Variants in PCDHA5 observed in about 807,000 individuals in gnomAD.
PCDHA5 encodes protocadherin alpha-5.
PCDHA5 carries 43 observed loss-of-function variants against 61.6 expected under a neutral mutation model. That is an observed-to-expected ratio of 0.70 (90% CI 0.55 to 0.90). The LOEUF (loss-of-function observed/expected upper bound fraction) is 0.90. Ranked by LOEUF, PCDHA5 falls within the 40% of genes least tolerant of loss-of-function variation. The pLI is 0.00. For synonymous variants in PCDHA5, 627 were observed against 543.9 expected, an observed-to-expected ratio of 1.15 and a Z score of -2.13; for missense variants, 1,298 against 1,222.7, an observed-to-expected ratio of 1.06 and a Z score of -0.92.
At chr5:140,845,868 G>C (rs1252869410) in intron 1 of PCDHA5, among the ~76,000 whole-genome samples, 1 of 149,474 alleles carries the variant, frequency 6.7e-6, no homozygotes, top group South Asian at 2.1e-4. Flanking sequence ...TTGCAGAAAG[G>C]CAACCTAAAA....
At chr5:140,982,824 G>GGTTT (rs74513655) in intron 3 of PCDHA5, among the ~76,000 whole-genome samples, 1 of 151,942 alleles carries the variant, frequency 6.6e-6, no homozygotes, top group African/African-American at 2.4e-5. Context: ...AAGTTTTTGG[G>GGTTT]GTTTGTTTGT....
In PCDHA5 at chr5:140,982,557, A is replaced by G. The variant is rs199851685; in HGVS notation, c.2494A>G (p.Thr832Ala). 6.2e-7 allele frequency: 1 copy of G among 1,614,138 alleles called. No homozygotes were observed. The highest frequency in any genetic ancestry group is 1.7e-5 in the Admixed American group (1 of 60,030). The change falls in exon 3 of 4, where the codon ACA becomes GCA. Residue 832 changes from threonine (T) to alanine (A), a missense_variant. Physicochemically the swap from Thr to Ala is moderately conservative, Grantham distance 58. Transcript: ENST00000529859. ...GCAGTGGCCAACAGTATCCAGTGCAACACCAGGTAAAGAGCTGGGGTCTCT... is the reference window on the plus strand; with the variant it reads ...GCAGTGGCCAACAGTATCCAGTGCAGCACCAGGTAAAGAGCTGGGGTCTCT... Reference protein sequence around the residue: ...DQQWPTVSSATPEPEAGEVSP... With the variant: ...DQQWPTVSSAAPEPEAGEVSP...
Position 140,823,804 on chromosome 5 carries a change from G to C in PCDHA5, c.2029G>C (p.Ala677Pro), listed in dbSNP as rs782334570. ...SLVESGQAPK[A>P]SSRASAGAVG... ...GGTGGAAAGTGGCCAGGCGCCGAAG[G>C]CCTCATCGCGGGCGTCGGCGGGCGC... The change falls in exon 1 of 4, where the codon GCC becomes CCC. Residue 677 changes from alanine to proline, a missense_variant. Physicochemically the swap from Ala to Pro is conservative, Grantham distance 27 (BLOSUM62 -1). Coordinates refer to ENST00000529859, the MANE Select transcript of PCDHA5 (RefSeq NM_018908.3). 2 of 1,613,694 alleles carry C rather than the reference G, an allele frequency of 1.2e-6. No individual in the cohort carries two copies. Among genetic ancestry groups the C allele is most frequent in the Non-Finnish European group, 1.7e-6 (2 of 1,179,926 alleles).
intron 1 of PCDHA5, chr5:140,883,793 T>C (rs782783912): frequency 6.2e-7 from 1 of 1,612,328 alleles, no homozygotes; most frequent in South Asian, 1.1e-5. Flanking sequence ...GAGCTACGTG[T>C]CGGTGCACGC....
intron 1 of PCDHA5, among the ~76,000 whole-genome samples, chr5:140,892,776 T>C (rs2063665865): frequency 6.6e-6 from 1 of 152,224 alleles, no homozygotes; most frequent in East Asian, 1.9e-4. Flanking sequence ...TTCTAGCTTC[T>C]TGAAAATATG....
intron 1 of PCDHA5, chr5:140,863,533 G>A: frequency 2.6e-6 from 1 of 389,860 alleles, no homozygotes; most frequent in Non-Finnish European, 5.0e-6. Flanking sequence ...TTCAGATTTT[G>A]GAGATGGACT....
intron 1 of PCDHA5, among the ~76,000 whole-genome samples, chr5:140,854,845 T>C (rs1554147464): frequency 6.7e-6 from 1 of 149,904 alleles, no homozygotes; most frequent in Non-Finnish European, 1.5e-5. Flanking sequence ...CTGACATTGA[T>C]AAAATTACTA....
rs2150133814 is a variant in PCDHA5 at position 140,824,269 on chromosome 5, A to G, written c.2352+142A>G. 4 of 1,222,710 alleles carry G rather than the reference A, an allele frequency of 3.3e-6. No homozygotes were observed. The South Asian group carries it at 5.6e-5, about 17-fold the overall frequency. The allele number at this position is 1,222,710 out of a possible 1,614,324, so 75.7% of individuals were successfully genotyped here. On this transcript the variant is annotated intron_variant, in intron 1 of 3. Coordinates refer to ENST00000529859, the MANE Select transcript of PCDHA5 (RefSeq NM_018908.3). ...ACACAATTATTGCACTAATTCATGT[A>G]TTATATGCTTTTTATGAGGCTTTTC...
At chr5:140,869,037 C>G (rs547872988) in intron 1 of PCDHA5, 1 of 1,528,286 alleles carries the variant, frequency 6.5e-7, no homozygotes, top group African/African-American at 1.4e-5. Context: ...AGATTTTTAA[C>G]CTGAAACTGA....
intron 1 of PCDHA5, chr5:140,848,665 C>A (rs1428126460): frequency 4.4e-6 from 7 of 1,592,108 alleles, no homozygotes; most frequent in Non-Finnish European, 5.2e-6. Flanking sequence ...CTGGAGCTGG[C>A]GGAGCTGGTG....
Position 140,822,585 on chromosome 5 carries a change from G to A in PCDHA5, c.810G>A (p.Glu270=), listed in dbSNP as rs2150117508. 1.4e-5 allele frequency: 22 copies of A among 1,612,046 alleles called. No individual in the cohort carries two copies. The East Asian group carries it at 3.8e-4, about 28-fold the overall frequency. ...AACTGAACGCCTCAGATGCAGATGA[G>A]GGCATCAATAAGGAAATAGTGTATT... ...VIKLNASDAD[E]GINKEIVYFF... The change falls in exon 1 of 4, where the codon GAG becomes GAA. Residue 270 remains glutamate, a synonymous_variant. Coordinates refer to ENST00000529859, the MANE Select transcript of PCDHA5 (RefSeq NM_018908.3).
intron 3 of PCDHA5, among the ~76,000 whole-genome samples, chr5:140,989,535 GTT>G (rs2097346543): frequency 6.6e-6 from 1 of 152,178 alleles, no homozygotes; most frequent in Non-Finnish European, 1.5e-5. Context: ...GAGGAAGATA[GTT>G]TGTAATTCCT....
rs2150132209 is a variant in PCDHA5 at position 140,824,106 on chromosome 5, G to C, written c.2331G>C (p.Gln777His). ...DLMAFSPSLP[Q>H]GPTSTDNPRQ... The stretch of plus-strand genomic sequence containing the variant: ...TGGCCTTCAGTCCAAGCCTTCCTCA[G>C]GGTCCCACCTCTACAGACAACGTGA... Residue 777 changes from glutamine (Q) to histidine (H), a missense_variant, in exon 1 of 4, where the codon CAG (glutamine) becomes CAC (histidine). Physicochemically the swap from Gln to His is conservative, Grantham distance 24. Coordinates refer to ENST00000529859, the MANE Select transcript of PCDHA5 (RefSeq NM_018908.3). 6 of 1,614,086 alleles carry C rather than the reference G, an allele frequency of 3.7e-6. No homozygotes were observed. Among genetic ancestry groups the C allele is most frequent in the South Asian group, 1.1e-5 (1 of 91,084 alleles).
chr5:140,993,071 G>A (rs1301535845), intron 3 of PCDHA5, among the ~76,000 whole-genome samples: 9 of 152,222 alleles, frequency 5.9e-5, no homozygotes, highest in African/African-American at 2.2e-4. Flanking sequence ...TGTTCCTGCA[G>A]TCTGCAATCA....
chr5:140,966,848 C>G, intron 1 of PCDHA5: 1 of 1,571,846 alleles, frequency 6.4e-7, no homozygotes, highest in Non-Finnish European at 8.6e-7. Context: ...GCTACTGCCT[C>G]TCCTGCTGCT....
intron 1 of PCDHA5, among the ~76,000 whole-genome samples, chr5:140,898,789 C>T (rs1424905656): frequency 6.6e-6 from 1 of 152,162 alleles, no homozygotes; most frequent in Non-Finnish European, 1.5e-5. Context: ...GCAGTATGGC[C>T]ATTTTCACGA....
At chr5:140,919,716 A>G (rs1166757941) in intron 1 of PCDHA5, among the ~76,000 whole-genome samples, 1 of 152,214 alleles carries the variant, frequency 6.6e-6, no homozygotes, top group East Asian at 1.9e-4. Flanking sequence ...CTAGTGAGAT[A>G]TAAATATGTT....
chr5:141,000,412 TATATATATA>T (rs1297219533), intron 3 of PCDHA5, among the ~76,000 whole-genome samples: 3 of 102,772 alleles, frequency 2.9e-5, no homozygotes, highest in Admixed American at 1.2e-4. Flanking sequence ...TATATATATA[TATATATATA>T]TTTTTTTTTT....
At chr5:140,959,494 T>G (rs2153722388) in intron 1 of PCDHA5, among the ~76,000 whole-genome samples, 1 of 152,286 alleles carries the variant, frequency 6.6e-6, no homozygotes, top group South Asian at 2.1e-4. Flanking sequence ...TATATATGGA[T>G]CAAACTAAAA....
Sources: allele counts gnomAD v4.1 joint callset (sites outside exome capture counted in the v4.1 genomes callset), GRCh38; gene constraint gnomAD v4.1.1; transcripts MANE v1.5; gene names NCBI Gene and HGNC (gene_info 2026-07-23, HGNC 2026-07-21).